The following GLIS3 variants were observed in gnomAD, a reference collection of about 807,000 sequenced individuals.
GLIS3 encodes the protein zinc finger protein GLIS3.
GLIS3 carries 53 observed loss-of-function variants against 78.6 expected under a neutral mutation model. The ratio of observed to expected loss-of-function variants is 0.67; its 90% CI spans 0.54 to 0.85. GLIS3 has a LOEUF of 0.85. Ranked by LOEUF, GLIS3 falls within the 40% of genes least tolerant of loss-of-function variation. GLIS3 has a pLI of 0.00. For missense variants in GLIS3, 1,703 were observed against 1,231.1 expected, an observed-to-expected ratio of 1.38 and a Z score of -5.74; for synonymous variants, 684 against 509.9, an observed-to-expected ratio of 1.34 and a Z score of -4.60.
chr9:3,941,931 A>G (rs1815952376), intron 4 of GLIS3, among the ~76,000 whole-genome samples: 1 of 152,212 alleles, frequency 6.6e-6, no homozygotes, highest in Non-Finnish European at 1.5e-5. Flanking sequence ...TGTTGACATT[A>G]AGTGGCATTA....
intron 6 of GLIS3, among the ~76,000 whole-genome samples, chr9:3,917,931 G>C (rs570986302): frequency 6.6e-6 from 1 of 152,294 alleles, no homozygotes; most frequent in African/African-American, 2.4e-5. Flanking sequence ...TAACTGAAAA[G>C]AATGATTGTA....
intron 1 of GLIS3, among the ~76,000 whole-genome samples, chr9:4,292,099 A>C (rs1816030424): frequency 6.6e-6 from 1 of 152,192 alleles, no homozygotes; most frequent in African/African-American, 2.4e-5. Context: ...AAGTTCAGAA[A>C]GTACCATGCC....
At chr9:3,979,169 G>C (rs898636788) in intron 4 of GLIS3, among the ~76,000 whole-genome samples, 9 of 152,162 alleles carry the variant, frequency 5.9e-5, no homozygotes, top group Admixed American at 5.9e-4. Context: ...TCCTGGATCA[G>C]ATCCTGACAA....
chr9:4,392,792 A>C, the GLIS3 span, among the ~76,000 whole-genome samples: 1 of 152,312 alleles, frequency 6.6e-6, no homozygotes, highest in South Asian at 2.1e-4. Context: ...TCTCTGAGTC[A>C]ATCCTACAGG....
At chr9:3,835,972 A>G (rs952383442) in intron 9 of GLIS3, among the ~76,000 whole-genome samples, 1 of 152,234 alleles carries the variant, frequency 6.6e-6, no homozygotes, top group Admixed American at 6.5e-5. Flanking sequence ...CATACTACAT[A>G]TGACAATAGA....
intron 2 of GLIS3, among the ~76,000 whole-genome samples, chr9:4,188,275 T>A (rs1329254799): frequency 1.3e-5 from 2 of 151,160 alleles, no homozygotes; most frequent in Non-Finnish European, 2.9e-5. Flanking sequence ...TTGTCTTTGG[T>A]TCGTTTATAT....
intron 2 of GLIS3, among the ~76,000 whole-genome samples, chr9:4,282,629 T>C (rs1049198364): frequency 1.3e-5 from 2 of 152,128 alleles, no homozygotes; most frequent in East Asian, 3.8e-4. Context: ...AGACTCAGAC[T>C]GCAATGAAAC....
At chr9:4,320,986 G>T (rs1383071525) in intron 2 of GLIS3, among the ~76,000 whole-genome samples, 1 of 151,904 alleles carries the variant, frequency 6.6e-6, no homozygotes, top group South Asian at 2.1e-4. Context: ...AACGTTGCTT[G>T]AGAAGGCTGT....
chr9:4,199,432 C>T (rs921775356), intron 2 of GLIS3, among the ~76,000 whole-genome samples: 20 of 149,838 alleles, frequency 1.3e-4, no homozygotes, highest in Non-Finnish European at 3.0e-4. Flanking sequence ...ATAAAACAGA[C>T]TTTTATAACA....
At chr9:3,912,022 C>T (rs949577641) in intron 6 of GLIS3, among the ~76,000 whole-genome samples, 2 of 152,100 alleles carry the variant, frequency 1.3e-5, no homozygotes, top group Non-Finnish European at 2.9e-5. Flanking sequence ...CAAATAGATA[C>T]AGGTTCATAT....
At chr9:4,487,198 C>T in the GLIS3 span, among the ~76,000 whole-genome samples, 3 of 152,084 alleles carry the variant, frequency 2.0e-5, no homozygotes, top group Non-Finnish European at 4.4e-5. Flanking sequence ...TGGGCAATTC[C>T]TGATGATCAA....
intron 7 of GLIS3, among the ~76,000 whole-genome samples, chr9:3,891,096 TAGG>T (rs1356245431): frequency 2.2e-5 from 3 of 136,014 alleles, no homozygotes; most frequent in Non-Finnish European, 4.8e-5. Flanking sequence ...AAGAAGAAAG[TAGG>T]AGGAAGAGGA....
At position 4,107,032 on chromosome 9, in the gene GLIS3, G is replaced by A. The variant is rs1056952479; in HGVS notation, c.1710+10736C>T. ...GAGTCAATAAGAAAAAAAATGGTTGGGCTGGGAAAGATTTAATAAGTTGAA... is the reference window on the plus strand; with the variant it reads ...GAGTCAATAAGAAAAAAAATGGTTGAGCTGGGAAAGATTTAATAAGTTGAA... On this transcript the variant is annotated intron_variant, in intron 4 of 10. Coordinates refer to ENST00000381971, the MANE Select transcript of GLIS3 (RefSeq NM_001042413.2). Among the ~76,000 whole-genome samples the A allele has an allele frequency of 5.3e-5, 8 of 152,036 alleles. No homozygotes were observed. The East Asian group carries it at 5.8e-4, about 11-fold the overall frequency.
chr9:3,948,744 CTGT>C (rs1485282120), intron 4 of GLIS3, among the ~76,000 whole-genome samples: 3 of 152,142 alleles, frequency 2.0e-5, no homozygotes, highest in African/African-American at 7.2e-5. Context: ...ATTTAAACTA[CTGT>C]TGTTTATTAT....
chr9:4,279,031 G>A (rs1352144888), intron 2 of GLIS3, among the ~76,000 whole-genome samples: 1 of 152,242 alleles, frequency 6.6e-6, no homozygotes, highest in South Asian at 2.1e-4. Context: ...GCTGGGCACG[G>A]TGGCTCATGC....
chr9:4,157,622 C>G (rs939793325), intron 2 of GLIS3, among the ~76,000 whole-genome samples: 20 of 152,284 alleles, frequency 1.3e-4, no homozygotes, highest in African/African-American at 4.6e-4. Flanking sequence ...AAATTATAAC[C>G]TATAAACCCT....
chr9:4,245,091 G>C (rs534073780), intron 2 of GLIS3, among the ~76,000 whole-genome samples: 4 of 152,254 alleles, frequency 2.6e-5, no homozygotes, highest in Non-Finnish European at 4.4e-5. Context: ...GATGCTCTAA[G>C]TTGCTGTAAC....
intron 2 of GLIS3, among the ~76,000 whole-genome samples, chr9:4,322,628 CTG>C (rs1199004833): frequency 7.9e-5 from 12 of 152,070 alleles, no homozygotes; most frequent in African/African-American, 2.7e-4. Flanking sequence ...TGGTGTCTCA[CTG>C]TGTTTTTGAT....
At chr9:3,935,322 A>T (rs1252066510) in intron 5 of GLIS3, among the ~76,000 whole-genome samples, 1 of 152,174 alleles carries the variant, frequency 6.6e-6, no homozygotes, top group Non-Finnish European at 1.5e-5. Context: ...CTTTAAAAAT[A>T]TTTAATAGAG....
Sources: allele counts gnomAD v4.1 joint callset (sites outside exome capture counted in the v4.1 genomes callset), GRCh38; gene constraint gnomAD v4.1.1; transcripts MANE v1.5; gene names NCBI Gene and HGNC (gene_info 2026-07-23, HGNC 2026-07-21).